The following CTTNBP2 variants were observed in gnomAD, a reference collection of about 807,000 sequenced individuals.
CTTNBP2 encodes cortactin binding protein 2.
A neutral mutation model predicts 156.9 loss-of-function variants in CTTNBP2; 108 were observed. The ratio of observed to expected loss-of-function variants is 0.69; its 90% CI spans 0.59 to 0.81. The LOEUF (loss-of-function observed/expected upper bound fraction) is 0.81. Ranked by LOEUF, CTTNBP2 falls within the 30% of genes least tolerant of loss-of-function variation. The pLI, the probability that CTTNBP2 is intolerant of heterozygous loss-of-function variation, is 0.00. For missense variants in CTTNBP2, 1,924 were observed against 2,035.4 expected (o/e 0.95, Z 1.05); for synonymous variants, 767 against 751.8 (o/e 1.02, Z -0.33).
intron 2 of CTTNBP2, among the ~76,000 whole-genome samples, chr7:117,844,750 G>A (rs1802487200): frequency 6.6e-6 from 1 of 152,180 alleles, no homozygotes; most frequent in South Asian, 2.1e-4. Context: ...TCAAGCCTCA[G>A]AGATGGACGG....
At chr7:117,782,773 T>C in intron 6 of CTTNBP2, 89 bp downstream of exon 6, 1 of 789,754 alleles carries the variant, frequency 1.3e-6, no homozygotes, top group Non-Finnish European at 2.1e-6. Context: ...AGCACTAGTT[T>C]ACACATTCAG....
At chr7:117,819,793 A>G (rs1000097649) in intron 2 of CTTNBP2, among the ~76,000 whole-genome samples, 1 of 152,202 alleles carries the variant, frequency 6.6e-6, no homozygotes. Flanking sequence ...CTACCTGCTC[A>G]TAGACATCAT....
intron 2 of CTTNBP2, among the ~76,000 whole-genome samples, chr7:117,832,446 G>T (rs1200208629): frequency 6.6e-6 from 1 of 152,074 alleles, no homozygotes; most frequent in Non-Finnish European, 1.5e-5. Context: ...AATCTGTCAA[G>T]AGTTCTCCAA....
At chr7:117,855,361 C>T (rs1033352332) in intron 2 of CTTNBP2, among the ~76,000 whole-genome samples, 1 of 152,236 alleles carries the variant, frequency 6.6e-6, no homozygotes, top group Non-Finnish European at 1.5e-5. Flanking sequence ...GATCTGCCCG[C>T]CTCGGCCTAC....
At chr7:117,756,008 G>C (rs1421356102) in intron 12 of CTTNBP2, among the ~76,000 whole-genome samples, 1 of 152,202 alleles carries the variant, frequency 6.6e-6, no homozygotes, top group Non-Finnish European at 1.5e-5. Context: ...GTGGAGCAGG[G>C]AGAAAGGGTG....
At chr7:117,872,837 G>A (rs1415531991) in intron 1 of CTTNBP2, among the ~76,000 whole-genome samples, 1 of 152,098 alleles carries the variant, frequency 6.6e-6, no homozygotes, top group Non-Finnish European at 1.5e-5. Flanking sequence ...TGCACACAAT[G>A]GGCATCCCCA....
At chr7:117,821,059 T>C (rs529744405) in intron 2 of CTTNBP2, among the ~76,000 whole-genome samples, 1 of 152,324 alleles carries the variant, frequency 6.6e-6, no homozygotes, top group African/African-American at 2.4e-5. Flanking sequence ...TGTAGGACTA[T>C]AACTGATTTT....
At chr7:117,765,239 C>G (rs1372946731) in intron 9 of CTTNBP2, among the ~76,000 whole-genome samples, 1 of 152,150 alleles carries the variant, frequency 6.6e-6, no homozygotes, top group Non-Finnish European at 1.5e-5. Flanking sequence ...CCTGGCCCCA[C>G]TTACTTTCTA....
At chr7:117,743,270 C>G (rs1257278203) in intron 14 of CTTNBP2, among the ~76,000 whole-genome samples, 1 of 152,188 alleles carries the variant, frequency 6.6e-6, no homozygotes, top group African/African-American at 2.4e-5. Flanking sequence ...GCACAAAATA[C>G]TTTAGCTTCT....
intron 2 of CTTNBP2, among the ~76,000 whole-genome samples, chr7:117,817,360 AAAT>A (rs1171339560): frequency 0.033 from 3,203 of 98,338 alleles, 529 homozygotes; most frequent in African/African-American, 0.11. Context: ...AAAAAAAAAA[AAAT>A]ATATATATAT....
chr7:117,713,005 G>A (rs1794144287), intron 22 of CTTNBP2, among the ~76,000 whole-genome samples: 1 of 152,112 alleles, frequency 6.6e-6, no homozygotes, highest in Non-Finnish European at 1.5e-5. Flanking sequence ...CCTGAGCTCC[G>A]CCTCCTGTCA....
At position 117,711,552 on chromosome 7, in the gene CTTNBP2, TTC is replaced by T. The variant is rs749223620; in HGVS notation, c.4975_4976del (p.Glu1659LysfsTer3). 1.2e-5 allele frequency: 19 copies of T among 1,612,962 alleles called. No homozygotes were observed. The highest frequency in any genetic ancestry group is 1.4e-5 in the Non-Finnish European group (17 of 1,179,698). On this transcript the variant is annotated frameshift_variant, in exon 23 of 23. Coordinates refer to ENST00000160373, the MANE Select transcript of CTTNBP2 (RefSeq NM_033427.3). LOFTEE classifies it high-confidence loss of function. Reference protein sequence around the residue: ...NWNLHKNEHLEKPNK With the variant: ...NWNLHKNEHLXKPNK ...GTAGGCAGGCCTATTTGTTAGGTTT[TTC>T]TAGGTGTTCATTTTTGTGTAAGTTC...
chr7:117,769,527 G>C (rs1797697092), intron 8 of CTTNBP2, among the ~76,000 whole-genome samples: 1 of 152,142 alleles, frequency 6.6e-6, no homozygotes, highest in African/African-American at 2.4e-5. Context: ...TTATTATGTG[G>C]CCATTAAAAA....
At chr7:117,808,231 C>T (rs1032599357) in intron 3 of CTTNBP2, among the ~76,000 whole-genome samples, 6 of 152,060 alleles carry the variant, frequency 3.9e-5, no homozygotes, top group African/African-American at 1.4e-4. Context: ...CAGATTTCCT[C>T]CCTACTGTTC....
Position 117,711,793 on chromosome 7 carries a change from C to A in CTTNBP2, c.4747-11G>T. ...GAGAGGACTGACCTCCTGTAAGAGA[C>A]AAGAAACCACACAAGTTTATCACAA... On this transcript the variant is annotated splice_polypyrimidine_tract_variant and intron_variant, in intron 22 of 22. Coordinates refer to ENST00000160373, the MANE Select transcript of CTTNBP2 (RefSeq NM_033427.3). The A allele has an allele frequency of 1.2e-6, 2 of 1,600,398 alleles. No homozygotes were observed. The highest frequency in any genetic ancestry group is 1.3e-5 in the African/African-American group (1 of 74,462).
intron 2 of CTTNBP2, among the ~76,000 whole-genome samples, chr7:117,851,417 A>G (rs1347768702): frequency 6.6e-6 from 1 of 152,180 alleles, no homozygotes; most frequent in African/African-American, 2.4e-5. Flanking sequence ...TTACATTTAG[A>G]GCCATCACCC....
intron 5 of CTTNBP2, among the ~76,000 whole-genome samples, chr7:117,783,224 T>G (rs1007567884): frequency 6.6e-6 from 1 of 152,168 alleles, no homozygotes; most frequent in East Asian, 1.9e-4. Flanking sequence ...TGTGTGCATT[T>G]TGGGAAGAGT....
At chr7:117,766,029 C>A (rs1797466415) in intron 9 of CTTNBP2, among the ~76,000 whole-genome samples, 6 of 152,212 alleles carry the variant, frequency 3.9e-5, no homozygotes, top group South Asian at 4.1e-4. Context: ...ATATTTATTC[C>A]TTCTACTTTT....
chr7:117,711,349 TAA>T lies in CTTNBP2; in HGVS notation c.*186_*187del. 10 of 544,110 alleles carry T rather than the reference TAA, an allele frequency of 1.8e-5. No homozygotes were observed. The highest frequency in any genetic ancestry group is 4.0e-5 in the Admixed American group (1 of 24,990). The allele number at this position is 544,110 out of a possible 1,614,324, so 33.7% of individuals were successfully genotyped here. A position where few individuals can be genotyped will look rare whatever the true frequency, so the allele number is the denominator to read the frequency against. ...GTATTGAAGTTCAATCCTACAGAAT[TAA>T]AAAAAAAAGCAACAAAATGTTGGTT... On this transcript the variant is annotated 3_prime_UTR_variant, in exon 23 of 23. Coordinates refer to ENST00000160373, the MANE Select transcript of CTTNBP2 (RefSeq NM_033427.3).
Sources: gnomAD v4.1 joint callset for allele counts (sites outside exome capture counted in the v4.1 genomes callset) on GRCh38, gnomAD v4.1.1 for gene constraint, MANE v1.5 for transcripts, NCBI Gene and HGNC (gene_info 2026-07-23, HGNC 2026-07-21) for gene names.